The following ANO4 variants were observed in gnomAD, a reference collection of about 807,000 sequenced individuals.
ANO4 encodes the protein anoctamin-4.
A neutral mutation model predicts 141.9 loss-of-function variants in ANO4; 69 were observed. The observed-to-expected ratio is 0.49, with a 90% CI of 0.40 to 0.59. ANO4 has a LOEUF of 0.59. Among genes scored for constraint, ANO4 ranks in the 20% least tolerant of loss-of-function variants. The pLI, the probability that ANO4 is intolerant of heterozygous loss-of-function variation, is 0.00. For synonymous variants in ANO4, 350 were observed against 394.3 expected (o/e 0.89, Z 1.33); for missense variants, 894 against 1,162.2 (o/e 0.77, Z 3.36).
Position 100,729,298 on chromosome 12 carries a change from G to C in ANO4, c.23-4476G>C, listed in dbSNP as rs1348421889. On this transcript the variant is annotated intron_variant, in intron 1 of 29. Transcript: ENST00000644049. ...TAAAAATATAGCTGGAGGTTGCAGTGAGCTGAGATCACACAATTGCACTCC... is the reference window on the plus strand; with the variant it reads ...TAAAAATATAGCTGGAGGTTGCAGTCAGCTGAGATCACACAATTGCACTCC... 2.3e-5 allele frequency among the ~76,000 whole-genome samples: 3 copies of C among 130,938 alleles called. No individual in the cohort carries two copies. In the East Asian group the frequency reaches 7.3e-4, roughly 32 times the overall value. 85.9% of individuals were successfully genotyped at this position (130,938 alleles called of 152,430 possible).
chr12:100,831,437 G>A (rs1462041865), intron 1 of ANO4, among the ~76,000 whole-genome samples: 2 of 152,076 alleles, frequency 1.3e-5, no homozygotes, highest in African/African-American at 4.8e-5. Flanking sequence ...CACTCAATGA[G>A]TATTTCTTGT....
chr12:101,099,095 C>G (rs557464336), intron 21 of ANO4, among the ~76,000 whole-genome samples: 131 of 152,228 alleles, frequency 8.6e-4, no homozygotes, highest in African/African-American at 3.0e-3. Flanking sequence ...CAAACAAGTC[C>G]AGTTGTAGAA....
At chr12:101,005,732 TATAA>T (rs1383751496) in intron 8 of ANO4, among the ~76,000 whole-genome samples, 1 of 152,252 alleles carries the variant, frequency 6.6e-6, no homozygotes, top group Non-Finnish European at 1.5e-5. Context: ...GAACCTTATA[TATAA>T]ATAGATAATT....
chr12:101,123,990 G>C (rs1439315634), intron 26 of ANO4, among the ~76,000 whole-genome samples: 5 of 152,042 alleles, frequency 3.3e-5, no homozygotes, highest in Non-Finnish European at 7.4e-5. Flanking sequence ...ACAAGTTATA[G>C]AATTGCTGGG....
intron 3 of ANO4, among the ~76,000 whole-genome samples, chr12:100,932,194 A>G (rs1390665445): frequency 6.6e-6 from 1 of 152,060 alleles, no homozygotes; most frequent in Non-Finnish European, 1.5e-5. Flanking sequence ...TTTTCTCTGC[A>G]TCTGAAATTT....
intron 5 of ANO4, among the ~76,000 whole-genome samples, chr12:100,943,850 A>G (rs2042609191): frequency 6.6e-6 from 1 of 152,244 alleles, no homozygotes; most frequent in African/African-American, 2.4e-5. Flanking sequence ...TAACATTAAT[A>G]GCACATTCAT....
chr12:100,761,067 C>T (rs1057039155), intron 3 of ANO4, among the ~76,000 whole-genome samples: 5 of 152,162 alleles, frequency 3.3e-5, no homozygotes, highest in East Asian at 1.9e-4. Context: ...TAGCCATTAA[C>T]GGCAAAGCCT....
At chr12:100,938,052 T>A (rs2042357770) in intron 3 of ANO4, among the ~76,000 whole-genome samples, 1 of 152,256 alleles carries the variant, frequency 6.6e-6, no homozygotes, top group Non-Finnish European at 1.5e-5. Flanking sequence ...GGGGGGGTCA[T>A]AATTCACCCT....
intron 3 of ANO4, among the ~76,000 whole-genome samples, chr12:100,773,122 A>G (rs747654480): frequency 2.0e-5 from 3 of 152,212 alleles, no homozygotes; most frequent in Non-Finnish European, 4.4e-5. Context: ...CCAGCAGATT[A>G]AGTGTCTGGT....
At chr12:100,725,727 A>G (rs1450587368) in intron 1 of ANO4, among the ~76,000 whole-genome samples, 1 of 152,232 alleles carries the variant, frequency 6.6e-6, no homozygotes, top group Non-Finnish European at 1.5e-5. Flanking sequence ...ACAATAATCA[A>G]GCAATTATAA....
intron 1 of ANO4, among the ~76,000 whole-genome samples, chr12:100,843,056 T>C (rs1049568231): frequency 6.6e-6 from 1 of 152,166 alleles, no homozygotes; most frequent in African/African-American, 2.4e-5. Flanking sequence ...CTTAGAATTA[T>C]GATAGAGGAG....
At chr12:100,800,111 G>C (rs754968680) in intron 1 of ANO4, among the ~76,000 whole-genome samples, 5 of 152,104 alleles carry the variant, frequency 3.3e-5, no homozygotes, top group African/African-American at 7.2e-5. Context: ...TTTTTATGTT[G>C]AAATTCTGCT....
chr12:100,959,061 A>G (rs773425120), intron 5 of ANO4, among the ~76,000 whole-genome samples: 13 of 151,936 alleles, frequency 8.6e-5, no homozygotes, highest in South Asian at 4.2e-4. Context: ...TCTCTGCCCA[A>G]TCAACCTTCT....
intron 1 of ANO4, among the ~76,000 whole-genome samples, chr12:100,862,478 T>C (rs537628658): frequency 1.3e-5 from 2 of 152,162 alleles, no homozygotes; most frequent in East Asian, 1.9e-4. Flanking sequence ...CCTGCCACCA[T>C]GCCCAGCTAA....
intron 1 of ANO4, among the ~76,000 whole-genome samples, chr12:100,856,969 A>G (rs1465946037): frequency 1.3e-5 from 2 of 152,122 alleles, no homozygotes. Context: ...AGAGCAAAAT[A>G]TGATTCTCTG....
At chr12:101,029,730 T>TG (rs2046893843) in intron 9 of ANO4, among the ~76,000 whole-genome samples, 1 of 151,624 alleles carries the variant, frequency 6.6e-6, no homozygotes, top group Admixed American at 6.6e-5. Flanking sequence ...GCCAACATGG[T>TG]GAAACCCCAT....
chr12:100,721,357 A>C (rs1161349201), intron 1 of ANO4, among the ~76,000 whole-genome samples: 1 of 152,192 alleles, frequency 6.6e-6, no homozygotes, highest in Admixed American at 6.5e-5. Flanking sequence ...GAGAATTATA[A>C]TGCAGTGTTG....
intron 1 of ANO4, among the ~76,000 whole-genome samples, chr12:100,829,010 A>T (rs1045840210): frequency 1.4e-5 from 2 of 146,746 alleles, no homozygotes; most frequent in Non-Finnish European, 3.0e-5. Flanking sequence ...ACAGAGTGAG[A>T]CTCTGTCTTA....
At chr12:101,061,271 C>T (rs952207333) in intron 14 of ANO4, among the ~76,000 whole-genome samples, 20 of 151,958 alleles carry the variant, frequency 1.3e-4, no homozygotes, top group African/African-American at 4.6e-4. Context: ...ATGGGCTTCC[C>T]TTTGTGGGTA....
Sources: allele counts gnomAD v4.1 joint callset (sites outside exome capture counted in the v4.1 genomes callset), GRCh38; gene constraint gnomAD v4.1.1; transcripts MANE v1.5; gene names NCBI Gene and HGNC (gene_info 2026-07-23, HGNC 2026-07-21).